The following EPHB1 variants were observed in gnomAD, a reference collection of about 807,000 sequenced individuals.
The protein encoded by EPHB1 is ephrin type-B receptor 1.
Under a neutral mutation model 94.4 loss-of-function variants are expected in EPHB1, and 30 were observed. The ratio of observed to expected loss-of-function variants is 0.32; its 90% confidence interval spans 0.24 to 0.43. EPHB1 has a LOEUF of 0.43. Ranked by LOEUF, EPHB1 falls within the 20% of genes least tolerant of loss-of-function variation. The pLI is 1.00. For missense variants in EPHB1, 1,055 were observed against 1,308.3 expected (o/e 0.81, Z 2.99); for synonymous variants, 522 against 489.1 (o/e 1.07, Z -0.89).
intron 1 of EPHB1, among the ~76,000 whole-genome samples, chr3:134,911,266 A>T (rs1238692049): frequency 6.6e-6 from 1 of 152,204 alleles, no homozygotes; most frequent in Non-Finnish European, 1.5e-5. Flanking sequence ...CTATTCTCTC[A>T]GAGCCTGCAG....
intron 3 of EPHB1, among the ~76,000 whole-genome samples, chr3:134,993,785 C>T (rs541768706): frequency 2.6e-5 from 4 of 152,204 alleles, no homozygotes; most frequent in Non-Finnish European, 5.9e-5. Context: ...ATCAGGACTT[C>T]GTGAGATCTT....
chr3:134,815,942 GT>G (rs951215997), intron 1 of EPHB1, among the ~76,000 whole-genome samples: 1 of 133,416 alleles, frequency 7.5e-6, no homozygotes, highest in Non-Finnish European at 1.6e-5. Flanking sequence ...GCACACATTT[GT>G]TTTTTGGGGG....
chr3:135,183,838 A>G (rs941723401), intron 10 of EPHB1, among the ~76,000 whole-genome samples: 1 of 152,240 alleles, frequency 6.6e-6, no homozygotes. Context: ...GCCAAGATCT[A>G]GAGATCCAGA....
At chr3:134,909,120 G>GGGGGGGGC (rs1553864851) in intron 1 of EPHB1, among the ~76,000 whole-genome samples, 1 of 110,572 alleles carries the variant, frequency 9.0e-6, no homozygotes, top group African/African-American at 3.6e-5. Context: ...GGGGGCGGGG[G>GGGGGGGGC]GCGGGCTGGA....
At chr3:135,215,574 G>A (rs1170448237) in intron 12 of EPHB1, among the ~76,000 whole-genome samples, 1 of 152,206 alleles carries the variant, frequency 6.6e-6, no homozygotes, top group East Asian at 1.9e-4. Flanking sequence ...ATCCAGAAAA[G>A]CTGATATTCG....
chr3:135,257,877 T>C (rs183856196), intron 15 of EPHB1, among the ~76,000 whole-genome samples: 471 of 152,098 alleles, frequency 3.1e-3, no homozygotes, highest in African/African-American at 0.01. Context: ...TCCGTGGGCA[T>C]AGGACCCTCC....
chr3:135,005,835 C>G (rs1367758629), intron 3 of EPHB1, among the ~76,000 whole-genome samples: 1 of 152,198 alleles, frequency 6.6e-6, no homozygotes, highest in South Asian at 2.1e-4. Context: ...GGTGCACGCA[C>G]CCACTGACCT....
intron 1 of EPHB1, among the ~76,000 whole-genome samples, chr3:134,821,576 A>G (rs1264249134): frequency 1.3e-5 from 2 of 152,184 alleles, no homozygotes; most frequent in African/African-American, 4.8e-5. Flanking sequence ...CCTTATGGAC[A>G]AGGTAAAACA....
chr3:135,253,286 C>T (rs890692875), intron 15 of EPHB1, among the ~76,000 whole-genome samples: 10 of 151,324 alleles, frequency 6.6e-5, no homozygotes, highest in Non-Finnish European at 1.5e-4. Context: ...AAGTCCTTGC[C>T]CATGCCTATG....
chr3:134,812,306 T>G (rs1402531765), intron 1 of EPHB1, among the ~76,000 whole-genome samples: 1 of 152,220 alleles, frequency 6.6e-6, no homozygotes, highest in Non-Finnish European at 1.5e-5. Flanking sequence ...TGGCAACCAC[T>G]GATAAAATTT....
intron 4 of EPHB1, among the ~76,000 whole-genome samples, chr3:135,117,173 G>T (rs934941872): frequency 2.6e-5 from 4 of 152,234 alleles, no homozygotes; most frequent in Admixed American, 2.6e-4. Flanking sequence ...TGCCAAGAGG[G>T]TTTCTGAATA....
At chr3:135,094,365 C>T (rs1374821471) in intron 3 of EPHB1, among the ~76,000 whole-genome samples, 1 of 152,188 alleles carries the variant, frequency 6.6e-6, no homozygotes, top group Non-Finnish European at 1.5e-5. Context: ...TGCCTCCTTC[C>T]CCAGAGTCCC....
intron 1 of EPHB1, among the ~76,000 whole-genome samples, chr3:134,846,465 G>T (rs1291243262): frequency 6.6e-6 from 1 of 152,294 alleles, no homozygotes; most frequent in African/African-American, 2.4e-5. Context: ...CAAGAGCATC[G>T]CGTGGGTGCT....
chr3:134,963,147 T>C (rs1933592161), intron 3 of EPHB1, among the ~76,000 whole-genome samples: 1 of 101,202 alleles, frequency 9.9e-6, no homozygotes, highest in Admixed American at 9.2e-5. Flanking sequence ...CCTTCCTTCC[T>C]TCCTTCCTTC....
At chr3:135,246,535 A>T (rs151013125) in intron 13 of EPHB1, among the ~76,000 whole-genome samples, 1 of 152,206 alleles carries the variant, frequency 6.6e-6, no homozygotes, top group African/African-American at 2.4e-5. Context: ...CTTTTGAAGT[A>T]TTCAAAACTT....
At chr3:135,236,006 A>G (rs11925678) in intron 12 of EPHB1, among the ~76,000 whole-genome samples, 22,380 of 152,258 alleles carry the variant, frequency 0.15, 2,053 homozygotes, top group Non-Finnish European at 0.2. Flanking sequence ...TAACAGTGGT[A>G]TTGTTAAACT....
intron 5 of EPHB1, among the ~76,000 whole-genome samples, chr3:135,137,701 A>G (rs1274840883): frequency 6.6e-6 from 1 of 152,218 alleles, no homozygotes; most frequent in East Asian, 1.9e-4. Flanking sequence ...TATAGGGACA[A>G]GCAAATGAGA....
chr3:135,252,728 C>T (rs1422252473), intron 15 of EPHB1, among the ~76,000 whole-genome samples: 2 of 141,582 alleles, frequency 1.4e-5, no homozygotes, highest in African/African-American at 5.1e-5. Context: ...TGGGTATATA[C>T]CCAGTAATGG....
At chr3:135,067,065 G>T (rs1481452504) in intron 3 of EPHB1, among the ~76,000 whole-genome samples, 5 of 152,194 alleles carry the variant, frequency 3.3e-5, no homozygotes, top group African/African-American at 1.2e-4. Flanking sequence ...CTCAGCCGTG[G>T]ATACCAGCAC....
Sources: gnomAD v4.1 joint callset for allele counts (sites outside exome capture counted in the v4.1 genomes callset) on GRCh38, gnomAD v4.1.1 for gene constraint, MANE v1.5 for transcripts, NCBI Gene and HGNC (gene_info 2026-07-23, HGNC 2026-07-21) for gene names.